XKR4: variants seen among roughly 807,000 people sequenced by gnomAD.
XKR4 encodes XK-related protein 4.
In XKR4, 12 loss-of-function variants were observed where a neutral mutation model predicts 53.9. The ratio of observed to expected loss-of-function variants is 0.22; its 90% confidence interval spans 0.14 to 0.36. The LOEUF (loss-of-function observed/expected upper bound fraction) is 0.36, where lower values mean the gene tolerates loss of function less well. Among genes scored for constraint, XKR4 ranks in the 10% least tolerant of loss-of-function variants. XKR4 has a pLI of 1.00. For synonymous variants in XKR4, 354 were observed against 362.4 expected (o/e 0.98, Z 0.26); for missense variants, 799 against 859.5 (o/e 0.93, Z 0.88).
intron 1 of XKR4, chr8:55,161,781 A>G (rs1035030202): frequency 2.7e-6 from 1 of 366,736 alleles, no homozygotes; most frequent in Non-Finnish European, 5.4e-6. Flanking sequence ...TCCACTTCAC[A>G]GGTTACAAAA....
At chr8:55,151,971 A>G (rs1816846218) in intron 1 of XKR4, among the ~76,000 whole-genome samples, 1 of 152,176 alleles carries the variant, frequency 6.6e-6, no homozygotes, top group African/African-American at 2.4e-5. Context: ...ATTTCATTAA[A>G]TTAAATTCCT....
intron 2 of XKR4, among the ~76,000 whole-genome samples, chr8:55,449,086 TAAA>T (rs11371239): frequency 1.3e-5 from 2 of 148,524 alleles, no homozygotes; most frequent in Admixed American, 6.7e-5. Context: ...CCTCTCAGGT[TAAA>T]AAAAAAAACA....
At chr8:55,429,119 C>G (rs1165186966) in intron 2 of XKR4, among the ~76,000 whole-genome samples, 1 of 152,160 alleles carries the variant, frequency 6.6e-6, no homozygotes, top group Non-Finnish European at 1.5e-5. Flanking sequence ...AATATACCCA[C>G]AAATATATCA....
At chr8:55,129,134 C>T (rs1230133015) in intron 1 of XKR4, among the ~76,000 whole-genome samples, 5 of 152,186 alleles carry the variant, frequency 3.3e-5, no homozygotes, top group Middle Eastern at 3.4e-3. Flanking sequence ...TGAGACAGCA[C>T]GAACATCTGT....
At chr8:55,172,552 A>G (rs1036435751) in intron 1 of XKR4, among the ~76,000 whole-genome samples, 3 of 152,218 alleles carry the variant, frequency 2.0e-5, no homozygotes, top group Non-Finnish European at 4.4e-5. Flanking sequence ...TTCCTATAGT[A>G]TAAAACAAAG....
At chr8:55,500,560 T>C (rs1225745298) in intron 2 of XKR4, among the ~76,000 whole-genome samples, 1 of 152,174 alleles carries the variant, frequency 6.6e-6, no homozygotes, top group African/African-American at 2.4e-5. Context: ...GAGACCCTTA[T>C]GGAAATTACT....
intron 1 of XKR4, among the ~76,000 whole-genome samples, chr8:55,279,719 G>A (rs764396434): frequency 2.0e-4 from 31 of 152,088 alleles, no homozygotes; most frequent in Non-Finnish European, 3.2e-4. Context: ...GCCTCAGCCC[G>A]TCAGCCAGGG....
intron 1 of XKR4, among the ~76,000 whole-genome samples, chr8:55,207,886 C>T (rs953361702): frequency 2.6e-5 from 4 of 152,198 alleles, no homozygotes; most frequent in African/African-American, 9.6e-5. Context: ...CAGGCCCTCT[C>T]TTCTTCCTCA....
chr8:55,424,176 T>G (rs1237126775), intron 2 of XKR4, among the ~76,000 whole-genome samples: 2 of 152,184 alleles, frequency 1.3e-5, no homozygotes, highest in African/African-American at 2.4e-5. Context: ...TTCTTCAAAG[T>G]ACAACTTTCA....
chr8:55,236,994 G>T (rs1381962266), intron 1 of XKR4, among the ~76,000 whole-genome samples: 1 of 152,204 alleles, frequency 6.6e-6, no homozygotes, highest in African/African-American at 2.4e-5. Flanking sequence ...AGCGGGAAAT[G>T]AATTTCTCCC....
In XKR4 at chr8:55,536,870, T is replaced by C. The variant is rs1249921062; in HGVS notation, c.*12643T>C. On this transcript the variant is annotated 3_prime_UTR_variant, in exon 3 of 3. Coordinates refer to ENST00000327381, the MANE Select transcript of XKR4 (RefSeq NM_052898.2). ...AGTCTTTGCTATCTTTCATAAATTGTATCATTGCTCTTCTGCTGTTCATAT... is the reference window on the plus strand; with the variant it reads ...AGTCTTTGCTATCTTTCATAAATTGCATCATTGCTCTTCTGCTGTTCATAT... 1 of 152,248 alleles carries C rather than the reference T, an allele frequency of 6.6e-6. No individual in the cohort carries two copies. Among genetic ancestry groups the C allele is most frequent in the Non-Finnish European group, 1.5e-5 (1 of 68,044 alleles). 9.4% of individuals were successfully genotyped at this position (152,248 alleles called of 1,614,324 possible).
intron 2 of XKR4, among the ~76,000 whole-genome samples, chr8:55,491,692 C>G (rs1371424306): frequency 6.6e-6 from 1 of 152,006 alleles, no homozygotes; most frequent in South Asian, 2.1e-4. Context: ...AACAGAGTCT[C>G]GCTGTGTTGC....
At chr8:55,287,866 G>T (rs894904269) in intron 1 of XKR4, among the ~76,000 whole-genome samples, 3 of 152,192 alleles carry the variant, frequency 2.0e-5, no homozygotes, top group African/African-American at 7.2e-5. Flanking sequence ...CTTGAGTGCT[G>T]CCTACCCTAG....
intron 1 of XKR4, among the ~76,000 whole-genome samples, chr8:55,150,433 G>A (rs769014210): frequency 3.3e-5 from 5 of 152,262 alleles, no homozygotes; most frequent in African/African-American, 7.2e-5. Flanking sequence ...TCCAGACTAC[G>A]TAGATAAAAT....
intron 1 of XKR4, among the ~76,000 whole-genome samples, chr8:55,319,195 T>G (rs1194383161): frequency 6.6e-6 from 1 of 152,158 alleles, no homozygotes; most frequent in African/African-American, 2.4e-5. Flanking sequence ...TATATTACTT[T>G]TTTTTCCCTG....
chr8:55,298,847 C>A (rs765198882), intron 1 of XKR4, among the ~76,000 whole-genome samples: 2 of 152,094 alleles, frequency 1.3e-5, no homozygotes, highest in Non-Finnish European at 2.9e-5. Flanking sequence ...CTGAGCTATT[C>A]GAGAATAGGT....
At chr8:55,247,659 C>A in intron 1 of XKR4, among the ~76,000 whole-genome samples, 1 of 152,008 alleles carries the variant, frequency 6.6e-6, no homozygotes, top group East Asian at 1.9e-4. Flanking sequence ...GAGTCACCTT[C>A]ATGATCTCAT....
intron 2 of XKR4, among the ~76,000 whole-genome samples, chr8:55,486,059 A>T (rs375957026): frequency 6.6e-6 from 1 of 152,228 alleles, no homozygotes; most frequent in African/African-American, 2.4e-5. Context: ...AAATAATCAC[A>T]TATAAATTTT....
At chr8:55,155,971 C>A (rs575834691) in intron 1 of XKR4, among the ~76,000 whole-genome samples, 5 of 152,212 alleles carry the variant, frequency 3.3e-5, no homozygotes, top group African/African-American at 1.2e-4. Context: ...AACTCACACA[C>A]AAAAAAATAT....
Sources: gnomAD v4.1 joint callset for allele counts (sites outside exome capture counted in the v4.1 genomes callset) on GRCh38, gnomAD v4.1.1 for gene constraint, MANE v1.5 for transcripts, NCBI Gene and HGNC (gene_info 2026-07-23, HGNC 2026-07-21) for gene names.